Variants in KLF4 observed in about 807,000 individuals in gnomAD.
The protein encoded by KLF4 is KLF transcription factor 4, also known as Krueppel-like factor 4.
A neutral mutation model predicts 38.0 loss-of-function variants in KLF4; 14 were observed. The ratio of observed to expected loss-of-function variants is 0.37; its 90% CI spans 0.24 to 0.58. The LOEUF is 0.58. Among genes scored for constraint, KLF4 ranks in the 20% least tolerant of loss-of-function variants. The pLI is 0.76. For missense variants in KLF4, 737 were observed against 670.1 expected (o/e 1.10, Z -1.10); for synonymous variants, 398 against 302.5 (o/e 1.32, Z -3.28).
In KLF4 at chr9:107,487,143, C is replaced by G. The variant is rs1055601652; in HGVS notation, c.1149G>C (p.Arg383Ser). 32 of 1,614,080 alleles carry G rather than the reference C, an allele frequency of 2.0e-5. No individual in the cohort carries two copies. The highest frequency in any genetic ancestry group is 2.6e-5 in the Non-Finnish European group (31 of 1,180,048). ...SCMPEEPKPKRGRRSWPRKRT... is the reference protein window; with the variant it reads ...SCMPEEPKPKSGRRSWPRKRT... ...TTTTCCGGGGCCACGATCGTCTTCC[C>G]CTCTTTGGCTTGGGCTCCTCTGGCA... The change falls in exon 4 of 5, where the codon AGG becomes AGC. Residue 383 changes from arginine (R) to serine (S), a missense_variant. Around this residue, in one of 2 missense-constraint regions of KLF4, gnomAD observed 695 missense variants for 554.5 expected, o/e 1.25. Transcript: ENST00000374672. The surrounding 1 kb of genome is among the most constrained non-coding windows in gnomAD (Gnocchi z 6.1).
Position 107,487,603 on chromosome 9 carries a change from GCCA to G in KLF4, c.788_790del (p.Val263del). 1.9e-6 allele frequency: 3 copies of G among 1,598,274 alleles called. No homozygotes were observed. The highest frequency in any genetic ancestry group is 1.7e-6 in the Non-Finnish European group (2 of 1,176,150). On this transcript the variant is annotated inframe_deletion, in exon 3 of 5. Coordinates refer to ENST00000374672, the MANE Select transcript of KLF4 (RefSeq NM_004235.6). This position sits in a 1 kb window ranked among gnomAD's most constrained non-coding sequence, Gnocchi z 6.1. ...GCGCGGCGGCCCGCCGTTGTAGGGC[GCCA>G]CCACCACCGGGTGGCTGCCGTCAGG...
Position 107,485,554 on chromosome 9 carries a change from C to T in KLF4, c.*197G>A. On this transcript the variant is annotated 3_prime_UTR_variant, in exon 5 of 5. Coordinates refer to ENST00000374672, the MANE Select transcript of KLF4 (RefSeq NM_004235.6). The surrounding 1 kb of genome is among the most constrained non-coding windows in gnomAD (Gnocchi z 4.9). Reference sequence around the variant, plus strand: ...ATGATAGAAGATCCAGTCACAGACCCCATCTGTTCTTTGATTTTTGTCTTT... The same window carrying T: ...ATGATAGAAGATCCAGTCACAGACCTCATCTGTTCTTTGATTTTTGTCTTT... 1 of 515,680 alleles carries T rather than the reference C, an allele frequency of 1.9e-6. No homozygotes were observed. The allele number at this position is 515,680 out of a possible 1,614,324, so 31.9% of individuals were successfully genotyped here. A position where few individuals can be genotyped will look rare whatever the true frequency, so the allele number is the denominator to read the frequency against.
chr9:107,487,854 A>G lies in KLF4; in HGVS notation c.540T>C (p.Pro180=). ...GLLYGRESAP[P]PTAPFNLADI... ...CCGCCAGGTTGAAGGGAGCCGTCGG[A>G]GGGGGAGCGGACTCCCTGCCATAGA... Residue 180 remains proline (P), a synonymous_variant, in exon 3 of 5, where the codon CCT becomes CCC. Transcript: ENST00000374672. The surrounding 1 kb of genome is among the most constrained non-coding windows in gnomAD (Gnocchi z 6.1). 3 of 1,529,248 alleles carry G rather than the reference A, an allele frequency of 2.0e-6. No homozygotes were observed. Among genetic ancestry groups the G allele is most frequent in the Non-Finnish European group, 2.6e-6 (3 of 1,137,252 alleles). 94.7% of individuals were successfully genotyped at this position (1,529,248 alleles called of 1,614,324 possible).
Position 107,488,843 on chromosome 9 carries a change from GC to G in KLF4, c.126+86del. The stretch of plus-strand genomic sequence containing the variant: ...GGCCGCTCCTTACCCTCGTTCAGTG[GC>G]TCTTGGTGACCCCAAGGCTCCGCCC... On this transcript the variant is annotated intron_variant, in intron 2 of 4. Coordinates refer to ENST00000374672, the MANE Select transcript of KLF4 (RefSeq NM_004235.6). The surrounding 1 kb of genome is among the most constrained non-coding windows in gnomAD (Gnocchi z 5.7). 6.7e-7 allele frequency: 1 copy of G among 1,482,528 alleles called. No homozygotes were observed. Among genetic ancestry groups the G allele is most frequent in the Non-Finnish European group, 9.1e-7 (1 of 1,104,888 alleles). The allele number at this position is 1,482,528 out of a possible 1,614,324, so 91.8% of individuals were successfully genotyped here. A position where few individuals can be genotyped will look rare whatever the true frequency, so the allele number is the denominator to read the frequency against.
At position 107,487,227 on chromosome 9, in the gene KLF4, G is replaced by GT; in HGVS notation, c.1100-36dup. On this transcript the variant is annotated intron_variant, in intron 3 of 4. Coordinates refer to ENST00000374672, the MANE Select transcript of KLF4 (RefSeq NM_004235.6). This position sits in a 1 kb window ranked among gnomAD's most constrained non-coding sequence, Gnocchi z 6.1. Reference sequence around the variant, plus strand: ...AAGAAGGTGGGGTGAGCATCATCCCGTGTGTCCCGAAGTGGGGCCAGCACA... The same window carrying GT: ...AAGAAGGTGGGGTGAGCATCATCCCGTTGTGTCCCGAAGTGGGGCCAGCACA... The GT allele has an allele frequency of 6.2e-7, 1 of 1,608,908 alleles. No individual in the cohort carries two copies. Among genetic ancestry groups the GT allele is most frequent in the Non-Finnish European group, 8.5e-7 (1 of 1,177,032 alleles).
In KLF4 at chr9:107,488,188, G is replaced by A; in HGVS notation, c.206C>T (p.Thr69Ile). 1 of 1,612,232 alleles carries A rather than the reference G, an allele frequency of 6.2e-7. No individual in the cohort carries two copies. Among genetic ancestry groups the A allele is most frequent in the South Asian group, 1.1e-5 (1 of 91,036 alleles). Residue 69 changes from threonine to isoleucine, a missense_variant, in exon 3 of 5, where the codon ACC becomes ATC. Physicochemically the swap from Thr to Ile is moderately conservative, Grantham distance 89. Around this residue, in one of 2 missense-constraint regions of KLF4, gnomAD observed 695 missense variants for 554.5 expected, o/e 1.25. Transcript: ENST00000374672. This position sits in a 1 kb window ranked among gnomAD's most constrained non-coding sequence, Gnocchi z 5.7. The stretch of plus-strand genomic sequence containing the variant: ...GCCGCTCTCCAGGTCTGTGGCCACG[G>A]TCGCCGCCGCCAGGTCATAGGGGCG... ...PGRPYDLAAA[T>I]VATDLESGGA...
rs760860578 is a variant in KLF4, at chr9:107,487,437, C to T, written c.957G>A (p.Leu319=). Residue 319 remains leucine, a synonymous_variant, in exon 3 of 5, where the codon CTG becomes CTA. Transcript: ENST00000374672. The surrounding 1 kb of genome is among the most constrained non-coding windows in gnomAD (Gnocchi z 6.1). ...TGCTGCTCAGCACTTCCTCAAGACCCAGGGTCGGGGTAGTCCTGCTGGGGA... is the reference window on the plus strand; with the variant it reads ...TGCTGCTCAGCACTTCCTCAAGACCTAGGGTCGGGGTAGTCCTGCTGGGGA... ...RQLPSRTTPT[L]GLEEVLSSRD... is the part of the protein sequence containing the mutation. 3 of 1,522,702 alleles carry T rather than the reference C, an allele frequency of 2.0e-6. No homozygotes were observed. Among genetic ancestry groups the T allele is most frequent in the Non-Finnish European group, 2.6e-6 (3 of 1,137,230 alleles). The allele number at this position is 1,522,702 out of a possible 1,614,324, so 94.3% of individuals were successfully genotyped here.
chr9:107,487,319 G>C lies in KLF4; in HGVS notation c.1075C>G (p.Gln359Glu). Residue 359 changes from glutamine to glutamate, a missense_variant, in exon 3 of 5, where the codon CAA becomes GAA. This residue lies in a region of KLF4 where 695 missense variants were observed against 554.5 expected (regional missense o/e 1.25). Transcript: ENST00000374672. This position sits in a 1 kb window ranked among gnomAD's most constrained non-coding sequence, Gnocchi z 6.1. ...CCTTGGTAATGGAGCGGCGGGACTT[G>C]CGGCTGCATCTGATCGGGCAGGAAG... ...PSFLPDQMQP[Q>E]VPPLHYQELM... 6.4e-7 allele frequency: 1 copy of C among 1,570,100 alleles called. No individual in the cohort carries two copies. The highest frequency in any genetic ancestry group is 8.6e-7 in the Non-Finnish European group (1 of 1,157,984).
Position 107,485,104 on chromosome 9 carries a change from T to C in KLF4, c.*647A>G, listed in dbSNP as rs1184178082. ...TCTGAAACCACAGTGCATAACAGAC[T>C]GTCTGCATAAAAATGCTAAAGAAGT... On this transcript the variant is annotated 3_prime_UTR_variant, in exon 5 of 5. Transcript: ENST00000374672. The surrounding 1 kb of genome is among the most constrained non-coding windows in gnomAD (Gnocchi z 4.9). 1.1e-5 allele frequency: 2 copies of C among 189,804 alleles called. No individual in the cohort carries two copies. Among genetic ancestry groups the C allele is most frequent in the South Asian group, 1.9e-4 (1 of 5,248 alleles). 11.8% of individuals were successfully genotyped at this position (189,804 alleles called of 1,614,324 possible).
intron 4 of KLF4, among the ~76,000 whole-genome samples, chr9:107,486,485 T>TTAAAA (rs1051085180): frequency 6.6e-6 from 1 of 151,730 alleles, no homozygotes; most frequent in Non-Finnish European, 1.5e-5. Context: ...TTCTTGGAAT[T>TTAAAA]TAAAATAAAA....
intron 4 of KLF4, among the ~76,000 whole-genome samples, 182 bp downstream of exon 4, chr9:107,486,846 T>C (rs908631984): frequency 1.3e-5 from 2 of 152,044 alleles, no homozygotes; most frequent in South Asian, 2.1e-4. Context: ...TTCTCTCCAG[T>C]GATCCCGGAG....
In KLF4 at chr9:107,488,132, G is replaced by C. The variant is rs149339934; in HGVS notation, c.262C>G (p.Leu88Val). 1.2e-6 allele frequency: 2 copies of C among 1,612,670 alleles called. No individual in the cohort carries two copies. The highest frequency in any genetic ancestry group is 2.7e-5 in the African/African-American group (2 of 75,060). Residue 88 changes from leucine to valine, a missense_variant, in exon 3 of 5, where the codon CTG (leucine) becomes GTG (valine). This residue lies in a region of KLF4 where 695 missense variants were observed against 554.5 expected (regional missense o/e 1.25). Coordinates refer to ENST00000374672, the MANE Select transcript of KLF4 (RefSeq NM_004235.6). The surrounding 1 kb of genome is among the most constrained non-coding windows in gnomAD (Gnocchi z 5.7). ...GAGAACGGSNLAPLPRRETEE... is the reference protein window; with the variant it reads ...GAGAACGGSNVAPLPRRETEE... ...GTCTCTCTCCGAGGTAGGGGCGCCA[G>C]GTTGCTACCGCCGCAAGCCGCACCG...
chr9:107,487,859 G>T lies in KLF4; in HGVS notation c.535C>A (p.Pro179Thr). Residue 179 changes from proline to threonine, a missense_variant, in exon 3 of 5, where the codon CCC becomes ACC. Physicochemically the swap from Pro to Thr is conservative, Grantham distance 38 (BLOSUM62 -1). Around this residue, in one of 2 missense-constraint regions of KLF4, gnomAD observed 695 missense variants for 554.5 expected, o/e 1.25. Transcript: ENST00000374672. The surrounding 1 kb of genome is among the most constrained non-coding windows in gnomAD (Gnocchi z 6.1). The part of the protein sequence containing the change: ...GGLLYGRESA[P>T]PPTAPFNLAD... ...AGGTTGAAGGGAGCCGTCGGAGGGG[G>T]AGCGGACTCCCTGCCATAGAGGAGG... is the stretch of plus-strand genomic sequence containing the variant. 6.5e-7 allele frequency: 1 copy of T among 1,530,456 alleles called. No homozygotes were observed. The highest frequency in any genetic ancestry group is 8.8e-7 in the Non-Finnish European group (1 of 1,137,880). The allele number at this position is 1,530,456 out of a possible 1,614,324, so 94.8% of individuals were successfully genotyped here.
Position 107,488,429 on chromosome 9 carries a change from C to T in KLF4, c.127-162G>A. On this transcript the variant is annotated intron_variant, in intron 2 of 4. Transcript: ENST00000374672. The surrounding 1 kb of genome is among the most constrained non-coding windows in gnomAD (Gnocchi z 5.7). Reference sequence around the variant, plus strand: ...AGGGCGCCAGCGCTGCAATCTCGGCCCACTCCCGGGTCGAAGAAGAGGTGA... The same window carrying T: ...AGGGCGCCAGCGCTGCAATCTCGGCTCACTCCCGGGTCGAAGAAGAGGTGA... 5.5e-6 allele frequency: 7 copies of T among 1,283,634 alleles called. No individual in the cohort carries two copies. The highest frequency in any genetic ancestry group is 7.3e-6 in the Non-Finnish European group (7 of 962,330). 79.5% of individuals were successfully genotyped at this position (1,283,634 alleles called of 1,614,324 possible).
In KLF4 at chr9:107,487,741, G is replaced by A; in HGVS notation, c.653C>T (p.Pro218Leu). The A allele has an allele frequency of 1.9e-6, 3 of 1,579,840 alleles. No individual in the cohort carries two copies. The highest frequency in any genetic ancestry group is 2.6e-6 in the Non-Finnish European group (3 of 1,163,574). ...CATCAGCCCGCCACCTGGCGGCTGCGGCTGCTGCGGCGGAATGTACACCGG... is the reference window on the plus strand; with the variant it reads ...CATCAGCCCGCCACCTGGCGGCTGCAGCTGCTGCGGCGGAATGTACACCGG... ...LDPVYIPPQQ[P>L]QPPGGGLMGK... The change falls in exon 3 of 5, where the codon CCG becomes CTG. Residue 218 changes from proline (P) to leucine (L), a missense_variant. Physicochemically the swap from Pro to Leu is moderately conservative, Grantham distance 98. Around this residue, in one of 2 missense-constraint regions of KLF4, gnomAD observed 695 missense variants for 554.5 expected, o/e 1.25. Transcript: ENST00000374672. This position sits in a 1 kb window ranked among gnomAD's most constrained non-coding sequence, Gnocchi z 6.1.
Position 107,488,541 on chromosome 9 carries a change from T to C in KLF4, c.127-274A>G, listed in dbSNP as rs762526819. The C allele has an allele frequency of 9.8e-5, 51 of 519,150 alleles. No homozygotes were observed. The highest frequency in any genetic ancestry group is 1.4e-4 in the Non-Finnish European group (43 of 302,356). The allele number at this position is 519,150 out of a possible 1,614,324, so 32.2% of individuals were successfully genotyped here. On this transcript the variant is annotated intron_variant, in intron 2 of 4. Coordinates refer to ENST00000374672, the MANE Select transcript of KLF4 (RefSeq NM_004235.6). The surrounding 1 kb of genome is among the most constrained non-coding windows in gnomAD (Gnocchi z 5.7). ...CTGGTCCCTCCCCCTCCAGGTCCCGTGGACGTCCCCGGAATTGGCACACCG... is the reference window on the plus strand; with the variant it reads ...CTGGTCCCTCCCCCTCCAGGTCCCGCGGACGTCCCCGGAATTGGCACACCG...
In KLF4 at chr9:107,488,543, G is replaced by T; in HGVS notation, c.127-276C>A. On this transcript the variant is annotated intron_variant, in intron 2 of 4. Transcript: ENST00000374672. The surrounding 1 kb of genome is among the most constrained non-coding windows in gnomAD (Gnocchi z 5.7). ...GGTCCCTCCCCCTCCAGGTCCCGTG[G>T]ACGTCCCCGGAATTGGCACACCGAG... 1 of 513,804 alleles carries T rather than the reference G, an allele frequency of 1.9e-6. No individual in the cohort carries two copies. The highest frequency in any genetic ancestry group is 3.4e-6 in the Non-Finnish European group (1 of 298,120). The allele number at this position is 513,804 out of a possible 1,614,324, so 31.8% of individuals were successfully genotyped here.
In KLF4 at chr9:107,487,413, G is replaced by A; in HGVS notation, c.981C>T (p.Ser327=). ...PTLGLEEVLS[S]RDCHPALPLP... ...GCGGCAGGGCAGGGTGACAGTCCCT[G>A]CTGCTCAGCACTTCCTCAAGACCCA... The change falls in exon 3 of 5, where the codon AGC becomes AGT. Residue 327 remains serine (S), a synonymous_variant. Coordinates refer to ENST00000374672, the MANE Select transcript of KLF4 (RefSeq NM_004235.6). The surrounding 1 kb of genome is among the most constrained non-coding windows in gnomAD (Gnocchi z 6.1). 1 of 1,519,762 alleles carries A rather than the reference G, an allele frequency of 6.6e-7. No individual in the cohort carries two copies. The highest frequency in any genetic ancestry group is 8.8e-7 in the Non-Finnish European group (1 of 1,135,606). 94.1% of individuals were successfully genotyped at this position (1,519,762 alleles called of 1,614,324 possible).
Position 107,485,704 on chromosome 9 carries a change from T to C in KLF4, c.*47A>G, listed in dbSNP as rs367790781. 13 of 1,490,184 alleles carry C rather than the reference T, an allele frequency of 8.7e-6. No homozygotes were observed. The highest frequency in any genetic ancestry group is 1.1e-5 in the Non-Finnish European group (12 of 1,121,022). The allele number at this position is 1,490,184 out of a possible 1,614,324, so 92.3% of individuals were successfully genotyped here. ...GGAAGACAGTGTGAAAAGTAAAAAA[T>C]ACTGAATTCTCTTCTGGCAGTGTGG... On this transcript the variant is annotated 3_prime_UTR_variant, in exon 5 of 5. Transcript: ENST00000374672. The surrounding 1 kb of genome is among the most constrained non-coding windows in gnomAD (Gnocchi z 4.9).
Sources: allele counts gnomAD v4.1 joint callset (sites outside exome capture counted in the v4.1 genomes callset), GRCh38; gene constraint gnomAD v4.1.1; regional missense constraint gnomAD v4.1.1; non-coding constraint Gnocchi (gnomAD v3.1); transcripts MANE v1.5; gene names NCBI Gene and HGNC (gene_info 2026-07-23, HGNC 2026-07-21).